NREP: variants seen among roughly 807,000 people sequenced by gnomAD.
NREP encodes neuronal regeneration-related protein.
In NREP, 5 loss-of-function variants were observed where a neutral mutation model predicts 8.6. The ratio of observed to expected loss-of-function variants is 0.58; its 90% CI spans 0.30 to 1.22. The LOEUF (loss-of-function observed/expected upper bound fraction) is 1.22, where lower values mean the gene tolerates loss of function less well. Among genes scored for constraint, NREP ranks in the 50% most tolerant of loss-of-function variants. The probability of loss-of-function intolerance (pLI) is 0.07; values close to 1 mark genes in which losing one functional copy is unlikely to be tolerated. For synonymous variants in NREP, 27 were observed against 28.0 expected (o/e 0.96, Z 0.11); for missense variants, 86 against 82.5 (o/e 1.04, Z -0.17).
chr5:111,862,020 T>G (rs1157411098), intron 2 of NREP, among the ~76,000 whole-genome samples: 1 of 152,172 alleles, frequency 6.6e-6, no homozygotes, highest in Non-Finnish European at 1.5e-5. Context: ...TTTTAAGAAA[T>G]GAGTATAATT....
intron 2 of NREP, among the ~76,000 whole-genome samples, chr5:111,800,023 G>A (rs1751965624): frequency 6.6e-6 from 1 of 151,756 alleles, no homozygotes; most frequent in Non-Finnish European, 1.5e-5. Flanking sequence ...AGGTTCAAGT[G>A]ATTCTCCTGC....
intron 2 of NREP, among the ~76,000 whole-genome samples, chr5:111,737,764 T>C (rs1367263010): frequency 6.6e-6 from 1 of 151,742 alleles, no homozygotes; most frequent in African/African-American, 2.4e-5. Flanking sequence ...CAATGACTTT[T>C]GCCAAAGAAC....
rs568186686 is a variant in NREP at position 111,809,253 on chromosome 5, G to A, written c.136-73746C>T. On this transcript the variant is annotated intron_variant, in intron 2 of 3. Transcript: ENST00000395634. ...TATATGACTCTGAACCAAACCATATGTTCATTTGTGAGACTATGATTCTAC... is the reference window on the plus strand; with the variant it reads ...TATATGACTCTGAACCAAACCATATATTCATTTGTGAGACTATGATTCTAC... Among the ~76,000 whole-genome samples, 3 of 152,240 alleles carry A rather than the reference G, an allele frequency of 2.0e-5. No homozygotes were observed. The East Asian group carries it at 5.8e-4, about 29-fold the overall frequency.
chr5:111,923,143 G>A (rs1001572354), intron 2 of NREP, among the ~76,000 whole-genome samples: 9 of 152,188 alleles, frequency 5.9e-5, no homozygotes, highest in African/African-American at 9.6e-5. Flanking sequence ...AGACATATTT[G>A]GAGTTGGTAT....
chr5:111,921,308 C>A (rs944681616), intron 2 of NREP, among the ~76,000 whole-genome samples: 3 of 152,082 alleles, frequency 2.0e-5, no homozygotes, highest in Non-Finnish European at 2.9e-5. Context: ...ATCTAGAGGT[C>A]CTCAGGAGAA....
chr5:111,777,803 A>T (rs1393990853), intron 2 of NREP, among the ~76,000 whole-genome samples: 1 of 152,118 alleles, frequency 6.6e-6, no homozygotes, highest in East Asian at 1.9e-4. Flanking sequence ...TATACTTTGT[A>T]TAACTAAAGT....
chr5:111,792,011 C>T (rs1581121019), intron 2 of NREP, among the ~76,000 whole-genome samples: 1 of 152,138 alleles, frequency 6.6e-6, no homozygotes, highest in Non-Finnish European at 1.5e-5. Flanking sequence ...ACAAAGGAAA[C>T]ACTATATAGT....
rs867643413 is a variant in NREP, at chr5:111,803,459, T to C, written c.136-67952A>G. ...TGTGTCTGAATTCTGCACACATCTT[T>C]CCAATAATTATTTTTTCTTATCCTT... On this transcript the variant is annotated intron_variant, in intron 2 of 3. Coordinates refer to the NREP transcript ENST00000395634. Among the ~76,000 whole-genome samples, 19 of 152,282 alleles carry C rather than the reference T, an allele frequency of 1.2e-4. No homozygotes were observed. In the Middle Eastern group the frequency reaches 0.01, roughly 82 times the overall value.
At chr5:111,786,627 G>T (rs549056817) in intron 2 of NREP, among the ~76,000 whole-genome samples, 91 of 152,216 alleles carry the variant, frequency 6.0e-4, no homozygotes, top group African/African-American at 2.1e-3. Flanking sequence ...ACTTTCCTCT[G>T]GATATGTCAG....
At chr5:111,924,366 T>C (rs1342583565) in intron 2 of NREP, among the ~76,000 whole-genome samples, 1 of 152,078 alleles carries the variant, frequency 6.6e-6, no homozygotes, top group Non-Finnish European at 1.5e-5. Flanking sequence ...CCCGAAACCT[T>C]TGTGGCAACA....
At chr5:111,836,311 C>T (rs1248030764) in intron 2 of NREP, among the ~76,000 whole-genome samples, 1 of 151,962 alleles carries the variant, frequency 6.6e-6, no homozygotes, top group Non-Finnish European at 1.5e-5. Flanking sequence ...CTTTTTAGGT[C>T]TGTATGGGAT....
chr5:111,957,189 C>G (rs1361191915), intron 2 of NREP, among the ~76,000 whole-genome samples: 5 of 151,528 alleles, frequency 3.3e-5, no homozygotes, highest in Admixed American at 1.3e-4. Flanking sequence ...AGAAAATACA[C>G]AAATTAAATA....
intron 2 of NREP, among the ~76,000 whole-genome samples, chr5:111,835,495 G>C (rs751416925): frequency 6.6e-6 from 1 of 152,058 alleles, no homozygotes; most frequent in Non-Finnish European, 1.5e-5. Flanking sequence ...TCTATAAAAG[G>C]CTTCTCAGGG....
chr5:111,871,062 G>GTGTGTGTGTC (rs1172584761), intron 2 of NREP, among the ~76,000 whole-genome samples: 1 of 142,924 alleles, frequency 7.0e-6, no homozygotes, highest in African/African-American at 2.5e-5. Context: ...GCGTGTGTGT[G>GTGTGTGTGTC]TGTGTGTGTG....
At chr5:111,966,365 T>C (rs1319925482) in intron 2 of NREP, among the ~76,000 whole-genome samples, 2 of 152,214 alleles carry the variant, frequency 1.3e-5, no homozygotes, top group African/African-American at 4.8e-5. Flanking sequence ...TTCATTATAA[T>C]CAATCTGCTT....
At position 111,729,665 on chromosome 5, in the gene NREP, T is replaced by A. The variant is rs1748377365; in HGVS notation, c.*1256A>T. ...CTGTCAAAAGAAGAGCTAAAGACAG[T>A]TATATAAAAATTAAGGTGGGCTTTC... is the stretch of plus-strand genomic sequence containing the variant. On this transcript the variant is annotated 3_prime_UTR_variant, in exon 4 of 4. Transcript: ENST00000257435. 1 of 152,586 alleles carries A rather than the reference T, an allele frequency of 6.6e-6. No homozygotes were observed. Among genetic ancestry groups the A allele is most frequent in the Admixed American group, 6.5e-5 (1 of 15,282 alleles). 9.5% of individuals were successfully genotyped at this position (152,586 alleles called of 1,614,324 possible). A position where few individuals can be genotyped will look rare whatever the true frequency, so the allele number is the denominator to read the frequency against.
At chr5:111,856,370 C>T (rs1055571030) in intron 2 of NREP, among the ~76,000 whole-genome samples, 1 of 152,146 alleles carries the variant, frequency 6.6e-6, no homozygotes, top group Non-Finnish European at 1.5e-5. Context: ...ACACATGACA[C>T]TCACTTTTTA....
At chr5:111,886,953 C>G (rs1196393122) in intron 2 of NREP, among the ~76,000 whole-genome samples, 1 of 151,278 alleles carries the variant, frequency 6.6e-6, no homozygotes, top group Non-Finnish European at 1.5e-5. Flanking sequence ...GCACATGTAC[C>G]CTAAAACTTA....
At chr5:111,844,467 A>C (rs1753108505) in intron 2 of NREP, among the ~76,000 whole-genome samples, 1 of 151,420 alleles carries the variant, frequency 6.6e-6, no homozygotes, top group South Asian at 2.1e-4. Context: ...TATTTTGCTC[A>C]TCATTGCTTC....
Sources: gnomAD v4.1 joint callset for allele counts (sites outside exome capture counted in the v4.1 genomes callset) on GRCh38, gnomAD v4.1.1 for gene constraint, MANE v1.5 for transcripts, NCBI Gene and HGNC (gene_info 2026-07-23, HGNC 2026-07-21) for gene names.